CACNA1B: variants seen among roughly 807,000 people sequenced by gnomAD.
The protein encoded by CACNA1B is voltage-dependent N-type calcium channel subunit alpha-1B.
A neutral mutation model predicts 247.2 loss-of-function variants in CACNA1B; 70 were observed. The observed-to-expected ratio is 0.28, with a 90% CI of 0.23 to 0.35. The LOEUF (loss-of-function observed/expected upper bound fraction) is 0.35. Among genes scored for constraint, CACNA1B ranks in the 10% least tolerant of loss-of-function variants. The probability of loss-of-function intolerance (pLI) is 1.00; values close to 1 mark genes in which losing one functional copy is unlikely to be tolerated. For synonymous variants in CACNA1B, 1,231 were observed against 1,294.4 expected, an observed-to-expected ratio of 0.95 and a Z score of 1.05; for missense variants, 2,367 against 3,197.4, an observed-to-expected ratio of 0.74 and a Z score of 6.26.
chr9:138,045,371 A>G (rs1959173205), intron 21 of CACNA1B, among the ~76,000 whole-genome samples: 2 of 152,166 alleles, frequency 1.3e-5, no homozygotes, highest in Admixed American at 6.5e-5. Flanking sequence ...AGTAGATGGT[A>G]AGGGTTTCAG....
In CACNA1B at chr9:138,003,706, G is replaced by A. The variant is rs147196439; in HGVS notation, c.1975-3061G>A. Among the ~76,000 whole-genome samples, 712 of 151,892 alleles carry A rather than the reference G, an allele frequency of 4.7e-3. 6 individuals are homozygous for A. Among genetic ancestry groups the A allele is most frequent in the African/African-American group, 0.016 (669 of 41,426 alleles). On this transcript the variant is annotated intron_variant, in intron 15 of 46. Transcript: ENST00000371372. ...GAGTCATCAGAAATAGGAGCTGGGGGGTTGAAAGGCAGGGCACAGAAGAGA... is the reference window on the plus strand; with the variant it reads ...GAGTCATCAGAAATAGGAGCTGGGGAGTTGAAAGGCAGGGCACAGAAGAGA...
At chr9:138,002,564 A>T (rs1046051226) in intron 15 of CACNA1B, among the ~76,000 whole-genome samples, 1 of 147,354 alleles carries the variant, frequency 6.8e-6, no homozygotes, top group Non-Finnish European at 1.5e-5. Flanking sequence ...AAAAAAAAAA[A>T]TAGCTGATGG....
Position 138,011,060 on chromosome 9 carries a change from G to A in CACNA1B, c.2160+983G>A, listed in dbSNP as rs934981964. Among the ~76,000 whole-genome samples the A allele has an allele frequency of 3.3e-5, 5 of 152,152 alleles. No individual in the cohort carries two copies. Among genetic ancestry groups the A allele is most frequent in the Non-Finnish European group, 7.3e-5 (5 of 68,034 alleles). ...TTCTGCTCAGCCTTCTTACTCCCACGCCTCCAGACCTGGGCCATGGCCATG... is the reference window on the plus strand; with the variant it reads ...TTCTGCTCAGCCTTCTTACTCCCACACCTCCAGACCTGGGCCATGGCCATG... On this transcript the variant is annotated intron_variant, in intron 17 of 46. Transcript: ENST00000371372. The surrounding 1 kb of genome is among the most constrained non-coding windows in gnomAD (Gnocchi z 4.2).
At chr9:137,945,106 TG>T (rs1957779950) in intron 6 of CACNA1B, among the ~76,000 whole-genome samples, 1 of 152,296 alleles carries the variant, frequency 6.6e-6, no homozygotes, top group Admixed American at 6.5e-5. Context: ...AGGATGGTGT[TG>T]TAATTAAGAC....
chr9:138,120,141 C>T, intron 44 of CACNA1B, 24 bp from the exon 45 acceptor site: 1 of 1,571,048 alleles, frequency 6.4e-7, no homozygotes, highest in Non-Finnish European at 8.6e-7. Flanking sequence ...TCCCCTAGGC[C>T]CACTCTCAGT....
rs1462769250 is a variant in CACNA1B at position 138,121,765 on chromosome 9, G to A, written c.6786G>A (p.Gln2262=). The A allele has an allele frequency of 1.9e-6, 3 of 1,613,190 alleles. No homozygotes were observed. The highest frequency in any genetic ancestry group is 1.7e-5 in the Admixed American group (1 of 60,006). The change falls in exon 47 of 47, where the codon CAG becomes CAA. Residue 2262 remains glutamine, a synonymous_variant. Transcript: ENST00000371372. This position sits in a 1 kb window ranked among gnomAD's most constrained non-coding sequence, Gnocchi z 6.8. ...TTGGCTCTGACCCTTACCTGGGGCA[G>A]CGTCTGGACAGTGAGGCCTCTGTCC... ...SRIGSDPYLG[Q]RLDSEASVHA...
chr9:137,986,677 C>A lies in CACNA1B; in HGVS notation c.1902-105C>A. ...GGTCCTCAGAGGGGCCAGTGTGCAG[C>A]CATCTGCAGCCTGAAGCGAGCAGGT... On this transcript the variant is annotated intron_variant, in intron 14 of 46. Transcript: ENST00000371372. The surrounding 1 kb of genome is among the most constrained non-coding windows in gnomAD (Gnocchi z 6.0). 1 of 1,399,164 alleles carries A rather than the reference C, an allele frequency of 7.1e-7. No individual in the cohort carries two copies. Among genetic ancestry groups the A allele is most frequent in the African/African-American group, 1.4e-5 (1 of 70,776 alleles). The allele number at this position is 1,399,164 out of a possible 1,614,324, so 86.7% of individuals were successfully genotyped here.
intron 3 of CACNA1B, among the ~76,000 whole-genome samples, chr9:137,893,633 A>T (rs1188755352): frequency 6.6e-6 from 1 of 151,698 alleles, no homozygotes; most frequent in African/African-American, 2.4e-5. Context: ...CCTGGGCGAC[A>T]GAGTGAGACT....
At chr9:138,101,440 T>G (rs557974779) in intron 37 of CACNA1B, among the ~76,000 whole-genome samples, 6 of 152,196 alleles carry the variant, frequency 3.9e-5, no homozygotes, top group Non-Finnish European at 2.9e-5. Context: ...ATCAGCTAGC[T>G]GGGTGGGAGA....
chr9:137,945,557 T>A (rs903304436), intron 6 of CACNA1B, among the ~76,000 whole-genome samples: 16 of 152,246 alleles, frequency 1.1e-4, no homozygotes, highest in Admixed American at 2.6e-4. Context: ...AGCATCCTTA[T>A]AATTTGATAA....
At chr9:137,994,712 C>T (rs1016990357) in intron 15 of CACNA1B, among the ~76,000 whole-genome samples, 5 of 152,102 alleles carry the variant, frequency 3.3e-5, no homozygotes, top group Admixed American at 6.5e-5. Context: ...AAATCATAGA[C>T]GACACAAACA....
At chr9:137,895,977 C>T (rs1417844338) in intron 3 of CACNA1B, among the ~76,000 whole-genome samples, 6 of 152,088 alleles carry the variant, frequency 3.9e-5, no homozygotes, top group Admixed American at 2.6e-4. Flanking sequence ...TAGTGGCTCA[C>T]GCCTGTAATC....
chr9:137,982,999 G>A (rs955884289), intron 12 of CACNA1B, among the ~76,000 whole-genome samples: 17 of 152,186 alleles, frequency 1.1e-4, no homozygotes, highest in African/African-American at 3.9e-4. Context: ...CTGGTTAACA[G>A]ATTAGTGTCA....
chr9:138,103,978 C>T (rs974577293), intron 38 of CACNA1B, among the ~76,000 whole-genome samples: 4 of 152,226 alleles, frequency 2.6e-5, no homozygotes, highest in African/African-American at 9.6e-5. Flanking sequence ...AAGGCTGTAG[C>T]TTTGTCCCCA....
At position 137,955,568 on chromosome 9, in the gene CACNA1B, C is replaced by T; in HGVS notation, c.1071-130C>T. 1 of 651,234 alleles carries T rather than the reference C, an allele frequency of 1.5e-6. No individual in the cohort carries two copies. Among genetic ancestry groups the T allele is most frequent in the Non-Finnish European group, 2.7e-6 (1 of 368,494 alleles). The allele number at this position is 651,234 out of a possible 1,614,324, so 40.3% of individuals were successfully genotyped here. Reference sequence around the variant, plus strand: ...TAGAAGAGGCCTGGGTGGCAGGGGCCTGCCTGAAGCAGCAGCCTGCAGCCT... The same window carrying T: ...TAGAAGAGGCCTGGGTGGCAGGGGCTTGCCTGAAGCAGCAGCCTGCAGCCT... On this transcript the variant is annotated intron_variant, in intron 7 of 46. Transcript: ENST00000371372. The surrounding 1 kb of genome is among the most constrained non-coding windows in gnomAD (Gnocchi z 6.9).
rs1395193952 is a variant in CACNA1B, at chr9:138,010,677, T to C, written c.2160+600T>C. Among the ~76,000 whole-genome samples, 1 of 152,118 alleles carries C rather than the reference T, an allele frequency of 6.6e-6. No homozygotes were observed. The highest frequency in any genetic ancestry group is 1.5e-5 in the Non-Finnish European group (1 of 68,020). On this transcript the variant is annotated intron_variant, in intron 17 of 46. Coordinates refer to ENST00000371372, the MANE Select transcript of CACNA1B (RefSeq NM_000718.4). The surrounding 1 kb of genome is among the most constrained non-coding windows in gnomAD (Gnocchi z 5.3). ...TTTGGTGTGAACCACGCTGCAAACG[T>C]CCCACGTGCATGCTCTGCACATCAG...
intron 36 of CACNA1B, 41 bp downstream of exon 36, chr9:138,078,299 GTC>G: frequency 6.2e-7 from 1 of 1,602,242 alleles, no homozygotes; most frequent in Non-Finnish European, 8.5e-7. Flanking sequence ...GCCACGTCTT[GTC>G]TCGGTACAGC....
At chr9:138,070,657 AC>A (rs1246849686) in intron 32 of CACNA1B, among the ~76,000 whole-genome samples, 1 of 152,242 alleles carries the variant, frequency 6.6e-6, no homozygotes, top group East Asian at 1.9e-4. Context: ...TTGAGAAAAT[AC>A]CATTTAATGC....
chr9:138,001,666 A>G (rs1359944708), intron 15 of CACNA1B, among the ~76,000 whole-genome samples: 4 of 152,156 alleles, frequency 2.6e-5, no homozygotes, highest in Non-Finnish European at 5.9e-5. Context: ...ACTATAGAAA[A>G]TCCTAGATAA....
Sources: allele counts gnomAD v4.1 joint callset (sites outside exome capture counted in the v4.1 genomes callset), GRCh38; gene constraint gnomAD v4.1.1; non-coding constraint Gnocchi (gnomAD v3.1); transcripts MANE v1.5; gene names NCBI Gene and HGNC (gene_info 2026-07-23, HGNC 2026-07-21).